Variants in TEAD1 observed in about 807,000 individuals in gnomAD.
TEAD1 encodes the protein TEA domain transcription factor 1.
A neutral mutation model predicts 54.9 loss-of-function variants in TEAD1; 9 were observed. That is an observed-to-expected ratio of 0.16 (90% CI 0.10 to 0.29). The LOEUF is 0.29. Among genes scored for constraint, TEAD1 ranks in the 10% least tolerant of loss-of-function variants. The pLI is 1.00. For synonymous variants in TEAD1, 200 were observed against 187.8 expected (o/e 1.07, Z -0.53); for missense variants, 387 against 535.9 (o/e 0.72, Z 2.74).
At chr11:12,753,480 A>G (rs1490458272) in intron 2 of TEAD1, among the ~76,000 whole-genome samples, 2 of 152,222 alleles carry the variant, frequency 1.3e-5, no homozygotes, top group African/African-American at 4.8e-5. Context: ...TAGAGGTATC[A>G]CATTGTTTTA....
intron 2 of TEAD1, among the ~76,000 whole-genome samples, chr11:12,749,081 T>C (rs1944811065): frequency 6.6e-6 from 1 of 152,112 alleles, no homozygotes; most frequent in Non-Finnish European, 1.5e-5. Context: ...TAATCAGCAA[T>C]GTGATGTTGA....
chr11:12,698,428 C>A (rs375739515), intron 2 of TEAD1, among the ~76,000 whole-genome samples: 2 of 151,896 alleles, frequency 1.3e-5, no homozygotes, highest in East Asian at 3.9e-4. Context: ...ATGGGTCTCT[C>A]TGCAGTATTC....
intron 3 of TEAD1, among the ~76,000 whole-genome samples, chr11:12,776,140 T>C (rs1176340045): frequency 6.6e-6 from 1 of 152,068 alleles, no homozygotes; most frequent in Non-Finnish European, 1.5e-5. Context: ...GAACAGGGCA[T>C]TCTTATTATA....
chr11:12,832,681 G>C, intron 3 of TEAD1, among the ~76,000 whole-genome samples: 1 of 152,168 alleles, frequency 6.6e-6, no homozygotes, highest in East Asian at 1.9e-4. Context: ...CCAGCTACTG[G>C]ATCATGAAAG....
At chr11:12,837,639 T>A (rs1287239088) in intron 3 of TEAD1, among the ~76,000 whole-genome samples, 1 of 151,480 alleles carries the variant, frequency 6.6e-6, no homozygotes, top group Non-Finnish European at 1.5e-5. Context: ...TGTTCACGCA[T>A]CTCTGGTCTC....
At chr11:12,822,545 G>A (rs955656715) in intron 3 of TEAD1, 1 of 152,252 alleles carries the variant, frequency 6.6e-6, no homozygotes, top group Non-Finnish European at 1.5e-5. Context: ...GATGGGGGGT[G>A]GAGGCCTTGC....
chr11:12,697,889 G>A (rs1432580402), intron 2 of TEAD1, among the ~76,000 whole-genome samples: 3 of 152,136 alleles, frequency 2.0e-5, no homozygotes, highest in Non-Finnish European at 4.4e-5. Context: ...CAGGCATGGT[G>A]GCAGGCACCT....
At chr11:12,679,420 C>T (rs1170778430) in intron 2 of TEAD1, among the ~76,000 whole-genome samples, 4 of 152,126 alleles carry the variant, frequency 2.6e-5, no homozygotes, top group Non-Finnish European at 2.9e-5. Context: ...GTTAAGCATC[C>T]GTCATCTCTA....
intron 3 of TEAD1, among the ~76,000 whole-genome samples, chr11:12,769,232 G>C (rs1172133711): frequency 1.3e-5 from 2 of 152,110 alleles, no homozygotes; most frequent in Admixed American, 6.5e-5. Flanking sequence ...GCGAAGATGA[G>C]GGGGAGGGTG....
chr11:12,852,449 C>CTT (rs10706947), intron 3 of TEAD1, among the ~76,000 whole-genome samples: 4 of 132,708 alleles, frequency 3.0e-5, no homozygotes, highest in South Asian at 2.5e-4. Flanking sequence ...TCTTTTTTTC[C>CTT]TTTTTTTTTT....
intron 3 of TEAD1, among the ~76,000 whole-genome samples, chr11:12,829,918 G>C (rs2134015772): frequency 6.6e-6 from 1 of 152,300 alleles, no homozygotes; most frequent in African/African-American, 2.4e-5. Flanking sequence ...GGTTGGGTAG[G>C]GTAGGAGTTC....
intron 3 of TEAD1, among the ~76,000 whole-genome samples, chr11:12,773,292 A>G (rs1290559591): frequency 6.6e-6 from 1 of 152,186 alleles, no homozygotes; most frequent in African/African-American, 2.4e-5. Context: ...AATGCCCACG[A>G]GTGTCATTTG....
intron 3 of TEAD1, among the ~76,000 whole-genome samples, chr11:12,766,372 T>A (rs987628595): frequency 6.6e-6 from 1 of 152,232 alleles, no homozygotes; most frequent in African/African-American, 2.4e-5. Flanking sequence ...ATAAGAGCTC[T>A]TGTTGGTAAT....
rs1460819163 is a variant in TEAD1 at position 12,942,705 on chromosome 11, G to A, written c.*5483G>A. 2 of 152,192 alleles carry A rather than the reference G, an allele frequency of 1.3e-5. No homozygotes were observed. Among genetic ancestry groups the A allele is most frequent in the African/African-American group, 4.8e-5 (2 of 41,440 alleles). The allele number at this position is 152,192 out of a possible 1,614,324, so 9.4% of individuals were successfully genotyped here. On this transcript the variant is annotated 3_prime_UTR_variant, in exon 13 of 13. Coordinates refer to ENST00000527636, the MANE Select transcript of TEAD1 (RefSeq NM_021961.6). ...AAAGTTGGAAGCCTCAAACTGAGAC[G>A]ACAGTGCAGAACAAAACAAAAGTGA...
chr11:12,758,758 G>T (rs925209758), intron 2 of TEAD1, among the ~76,000 whole-genome samples: 1 of 151,808 alleles, frequency 6.6e-6, no homozygotes, highest in African/African-American at 2.4e-5. Context: ...GGCCAGGCTG[G>T]TCTCAAACTC....
In TEAD1 at chr11:12,788,708, G is replaced by A. The variant is rs745481866; in HGVS notation, c.202+24274G>A. Among the ~76,000 whole-genome samples, 29 of 152,302 alleles carry A rather than the reference G, an allele frequency of 1.9e-4. No individual in the cohort carries two copies. In the South Asian group the frequency reaches 3.5e-3, roughly 18 times the overall value. On this transcript the variant is annotated intron_variant, in intron 3 of 12. Transcript: ENST00000527636. The stretch of plus-strand genomic sequence containing the variant: ...AAGGGACTGTCTTGTACAACATCAC[G>A]CCCTTGGGCACTGAGAATATGGAAT...
chr11:12,773,840 G>C (rs1397928346), intron 3 of TEAD1, among the ~76,000 whole-genome samples: 2 of 152,154 alleles, frequency 1.3e-5, no homozygotes, highest in African/African-American at 4.8e-5. Flanking sequence ...CATGCTTTTG[G>C]TGTTGAGTCT....
At chr11:12,740,815 G>A (rs1167727365) in intron 2 of TEAD1, among the ~76,000 whole-genome samples, 1 of 151,954 alleles carries the variant, frequency 6.6e-6, no homozygotes, top group Non-Finnish European at 1.5e-5. Flanking sequence ...ATTTGGGTGG[G>A]GACGCAGCCA....
intron 2 of TEAD1, among the ~76,000 whole-genome samples, chr11:12,729,098 A>G (rs1240330471): frequency 6.6e-6 from 1 of 152,236 alleles, no homozygotes; most frequent in Non-Finnish European, 1.5e-5. Context: ...GACATCTGCT[A>G]GAACAGGACT....
Sources: allele counts gnomAD v4.1 joint callset (sites outside exome capture counted in the v4.1 genomes callset), GRCh38; gene constraint gnomAD v4.1.1; transcripts MANE v1.5; gene names NCBI Gene and HGNC (gene_info 2026-07-23, HGNC 2026-07-21).